KIAA1671: variants seen among roughly 807,000 people sequenced by gnomAD.
KIAA1671 encodes the protein uncharacterized protein KIAA1671.
KIAA1671 carries 52 observed loss-of-function variants against 131.2 expected under a neutral mutation model. That is an observed-to-expected ratio of 0.40 (90% CI 0.32 to 0.50). The LOEUF (loss-of-function observed/expected upper bound fraction) is 0.50. Among genes scored for constraint, KIAA1671 ranks in the 20% least tolerant of loss-of-function variants. The probability of loss-of-function intolerance (pLI) is 0.73; values close to 1 mark genes in which losing one functional copy is unlikely to be tolerated. For missense variants in KIAA1671, 2,360 were observed against 2,364.2 expected (o/e 1.00, Z 0.04); for synonymous variants, 1,003 against 961.6 (o/e 1.04, Z -0.80).
Position 25,029,235 on chromosome 22 carries a change from A to G in KIAA1671, c.1236A>G (p.Glu412=). Residue 412 remains glutamate, a synonymous_variant, in exon 3 of 13, where the codon GAA becomes GAG. Transcript: ENST00000358431. ...CACCCAGGCTGGGAAGGGGCCTAGA[A>G]CTTGCTGAGGTTAAGAGCAGAGTGG... is the stretch of plus-strand genomic sequence containing the variant. ...SPSPRLGRGL[E]LAEVKSRVAD... is the part of the protein sequence containing the mutation. 6.8e-7 allele frequency: 1 copy of G among 1,475,086 alleles called. No individual in the cohort carries two copies. The highest frequency in any genetic ancestry group is 9.0e-7 in the Non-Finnish European group (1 of 1,108,336). The allele number at this position is 1,475,086 out of a possible 1,614,324, so 91.4% of individuals were successfully genotyped here.
At chr22:25,179,052 G>T (rs913990052) in intron 9 of KIAA1671, among the ~76,000 whole-genome samples, 19 of 152,322 alleles carry the variant, frequency 1.2e-4, no homozygotes, top group Non-Finnish European at 2.4e-4. Context: ...CAGGGCCCCC[G>T]GGGGACCCAG....
chr22:25,106,719 T>A (rs908852623), intron 6 of KIAA1671, among the ~76,000 whole-genome samples: 2 of 152,204 alleles, frequency 1.3e-5, no homozygotes, highest in Non-Finnish European at 2.9e-5. Context: ...CAATTGTTTT[T>A]AAAAAATTAA....
Position 25,185,047 on chromosome 22 carries a change from G to A in KIAA1671, c.5270G>A (p.Ser1757Asn). 2.6e-6 allele frequency: 4 copies of A among 1,551,670 alleles called. No individual in the cohort carries two copies. The highest frequency in any genetic ancestry group is 3.5e-6 in the Non-Finnish European group (4 of 1,146,998). ...CCCAGCTGGGCACCCCAACCCAAGA[G>A]CCCCAAGTCCCCCTTCCAGCCTGGG... is the stretch of plus-strand genomic sequence containing the variant. ...ETPSWAPQPKSPKSPFQPGVL... is the reference protein window; with the variant it reads ...ETPSWAPQPKNPKSPFQPGVL... The change falls in exon 11 of 13, where the codon AGC becomes AAC. Residue 1757 changes from serine (S) to asparagine (N), a missense_variant. Physicochemically the swap from Ser to Asn is conservative, Grantham distance 46. Transcript: ENST00000358431.
intron 6 of KIAA1671, among the ~76,000 whole-genome samples, chr22:25,066,473 G>C (rs965331526): frequency 1.3e-5 from 2 of 152,180 alleles, no homozygotes; most frequent in Admixed American, 1.3e-4. Flanking sequence ...ATGGGCATCA[G>C]TTCCACTCAT....
At chr22:24,992,568 A>C (rs1923897972) in intron 1 of KIAA1671, among the ~76,000 whole-genome samples, 1 of 152,048 alleles carries the variant, frequency 6.6e-6, no homozygotes, top group Non-Finnish European at 1.5e-5. Context: ...TAATCCCAGC[A>C]CTTTGGGAGG....
intron 6 of KIAA1671, among the ~76,000 whole-genome samples, chr22:25,136,959 G>A (rs1304383795): frequency 2.0e-5 from 3 of 152,146 alleles, no homozygotes; most frequent in East Asian, 1.9e-4. Context: ...AAATAGTGAG[G>A]TTTAGCAAGT....
At chr22:25,093,868 C>CTG (rs1930267449) in intron 6 of KIAA1671, among the ~76,000 whole-genome samples, 1 of 133,124 alleles carries the variant, frequency 7.5e-6, no homozygotes. Context: ...CTCTCTCTCT[C>CTG]TCTCTCTCTC....
chr22:25,162,717 T>C (rs1340180042), intron 6 of KIAA1671, among the ~76,000 whole-genome samples: 3 of 152,166 alleles, frequency 2.0e-5, no homozygotes, highest in Non-Finnish European at 4.4e-5. Context: ...GAAAGCAAAA[T>C]CTAGCCGGCT....
At chr22:25,104,824 A>C (rs1327973567) in intron 6 of KIAA1671, among the ~76,000 whole-genome samples, 7 of 151,760 alleles carry the variant, frequency 4.6e-5, no homozygotes, top group Non-Finnish European at 8.8e-5. Flanking sequence ...TTTTGGGGAG[A>C]AAATGGGATA....
intron 1 of KIAA1671, among the ~76,000 whole-genome samples, chr22:24,971,453 C>T (rs1437947569): frequency 1.4e-5 from 2 of 145,522 alleles, no homozygotes; most frequent in Non-Finnish European, 3.0e-5. Context: ...TCTCCTGGGG[C>T]TGTTCTTGAG....
At chr22:25,052,863 T>G (rs1411286011) in intron 6 of KIAA1671, 2 of 152,218 alleles carry the variant, frequency 1.3e-5, no homozygotes, top group Non-Finnish European at 2.9e-5. Flanking sequence ...ACTACAGGCG[T>G]GCACCACCAC....
At position 25,192,646 on chromosome 22, in the gene KIAA1671, C is replaced by G. The variant is rs1934705952; in HGVS notation, c.*245C>G. On this transcript the variant is annotated 3_prime_UTR_variant, in exon 13 of 13. Transcript: ENST00000358431. ...ACAGCACTTCAGGCTGGGAAAGGAGCCAGGCTGCCCAGAAACGTCCATGTG... is the reference window on the plus strand; with the variant it reads ...ACAGCACTTCAGGCTGGGAAAGGAGGCAGGCTGCCCAGAAACGTCCATGTG... 6.6e-6 allele frequency: 1 copy of G among 152,214 alleles called. No individual in the cohort carries two copies. The highest frequency in any genetic ancestry group is 1.5e-5 in the Non-Finnish European group (1 of 68,048). The allele number at this position is 152,214 out of a possible 1,614,324, so 9.4% of individuals were successfully genotyped here. A position where few individuals can be genotyped will look rare whatever the true frequency, so the allele number is the denominator to read the frequency against.
In KIAA1671 at chr22:25,028,176, G is replaced by T; in HGVS notation, c.177G>T (p.Arg59=). The change falls in exon 3 of 13, where the codon CGG becomes CGT. Residue 59 remains arginine (R), a synonymous_variant. Transcript: ENST00000358431. ...AGAGCCCCCTGCGGAGCCCGGCCCGGTTACTCCCTCTGCCAAGGCTCGCCC... is the reference window on the plus strand; with the variant it reads ...AGAGCCCCCTGCGGAGCCCGGCCCGTTTACTCCCTCTGCCAAGGCTCGCCC... ...EAKSPLRSPA[R]LLPLPRLAPK... 1 of 1,550,068 alleles carries T rather than the reference G, an allele frequency of 6.5e-7. No homozygotes were observed. Among genetic ancestry groups the T allele is most frequent in the Non-Finnish European group, 8.7e-7 (1 of 1,145,904 alleles).
intron 1 of KIAA1671, among the ~76,000 whole-genome samples, chr22:24,961,480 C>G (rs1158060934): frequency 6.6e-6 from 1 of 152,224 alleles, no homozygotes; most frequent in Non-Finnish European, 1.5e-5. Flanking sequence ...TTCATGCTCA[C>G]GAGTCAGCAG....
chr22:25,028,474 G>A lies in KIAA1671; in HGVS notation c.475G>A (p.Ala159Thr), dbSNP rs1043759176. 2.6e-6 allele frequency: 4 copies of A among 1,550,140 alleles called. No homozygotes were observed. In the African/African-American group the frequency reaches 4.1e-5, roughly 16 times the overall value. Reference sequence around the variant, plus strand: ...CAAAAGCGGCCCCGCTCTGGGGAAGGCGGTTAGTGAGGGGGCGGAGGAGGC... The same window carrying A: ...CAAAAGCGGCCCCGCTCTGGGGAAGACGGTTAGTGAGGGGGCGGAGGAGGC... ...TTKSGPALGK[A>T]VSEGAEEAKL... The change falls in exon 3 of 13, where the codon GCG becomes ACG. Residue 159 changes from alanine (A) to threonine (T), a missense_variant. Coordinates refer to ENST00000358431, the MANE Select transcript of KIAA1671 (RefSeq NM_001145206.2).
chr22:25,002,681 C>T (rs1468351660), intron 1 of KIAA1671, among the ~76,000 whole-genome samples: 4 of 152,130 alleles, frequency 2.6e-5, no homozygotes, highest in African/African-American at 9.7e-5. Flanking sequence ...CAGGGCTGGG[C>T]ACCAGTGGTG....
intron 9 of KIAA1671, among the ~76,000 whole-genome samples, chr22:25,181,197 A>G (rs1461851216): frequency 6.6e-6 from 1 of 152,172 alleles, no homozygotes; most frequent in Non-Finnish European, 1.5e-5. Flanking sequence ...AGCTTGAGTG[A>G]TCAGCTCAGC....
intron 6 of KIAA1671, among the ~76,000 whole-genome samples, chr22:25,067,939 C>G (rs981474773): frequency 6.6e-6 from 1 of 152,288 alleles, no homozygotes; most frequent in African/African-American, 2.4e-5. Context: ...AGCCAGTCAG[C>G]CAGGACACGC....
At position 25,150,012 on chromosome 22, in the gene KIAA1671, G is replaced by A. The variant is rs190851249; in HGVS notation, c.4531-20808G>A. Among the ~76,000 whole-genome samples, 62 of 152,254 alleles carry A rather than the reference G, an allele frequency of 4.1e-4. 1 individual carries two copies. The highest frequency in any genetic ancestry group is 1.7e-3 in the East Asian group (9 of 5,188). On this transcript the variant is annotated intron_variant, in intron 6 of 12. Coordinates refer to ENST00000358431, the MANE Select transcript of KIAA1671 (RefSeq NM_001145206.2). Reference sequence around the variant, plus strand: ...CTTCCCGTGCCTGGTTGAAATGGTCGGCTTTAATATCCATCTCCCCAACTT... The same window carrying A: ...CTTCCCGTGCCTGGTTGAAATGGTCAGCTTTAATATCCATCTCCCCAACTT...
Sources: allele counts gnomAD v4.1 joint callset (sites outside exome capture counted in the v4.1 genomes callset), GRCh38; gene constraint gnomAD v4.1.1; transcripts MANE v1.5; gene names NCBI Gene and HGNC (gene_info 2026-07-23, HGNC 2026-07-21).